PRIM2: variants seen among roughly 807,000 people sequenced by gnomAD.
PRIM2 encodes the protein DNA primase subunit 2, also known as DNA primase large subunit.
Under a neutral mutation model 67.3 loss-of-function variants are expected in PRIM2, and 39 were observed. The observed-to-expected ratio is 0.58, with a 90% confidence interval of 0.45 to 0.76. The LOEUF (loss-of-function observed/expected upper bound fraction) is 0.76, where lower values mean the gene tolerates loss of function less well. Among genes scored for constraint, PRIM2 ranks in the 30% least tolerant of loss-of-function variants. PRIM2 has a pLI of 0.00. For missense variants in PRIM2, 398 were observed against 598.7 expected, an observed-to-expected ratio of 0.66 and a Z score of 3.50; for synonymous variants, 143 against 198.7, an observed-to-expected ratio of 0.72 and a Z score of 2.36.
At chr6:57,424,647 A>G (rs1229093728) in intron 7 of PRIM2, among the ~76,000 whole-genome samples, 9 of 152,192 alleles carry the variant, frequency 5.9e-5, no homozygotes, top group African/African-American at 2.2e-4. Flanking sequence ...TAAAAACACA[A>G]TACTGGTCTG....
rs1214888381 is a variant in PRIM2, at chr6:57,572,170, A to G, written c.1021-28923A>G. On this transcript the variant is annotated intron_variant, in intron 10 of 13. Coordinates refer to ENST00000615550, the MANE Select transcript of PRIM2 (RefSeq NM_000947.5). ...AGTCTATTTCTTTAAGGGAAGAAAA[A>G]GTTTAATTAATGAACAAGATGCTGT... Among the ~76,000 whole-genome samples the G allele has an allele frequency of 2.0e-5, 3 of 152,138 alleles. No homozygotes were observed. The East Asian group carries it at 5.8e-4, about 29-fold the overall frequency.
chr6:57,222,931 G>A, the PRIM2 span, among the ~76,000 whole-genome samples: 1 of 152,188 alleles, frequency 6.6e-6, no homozygotes, highest in South Asian at 2.1e-4. Context: ...TGGCCCCGCA[G>A]TTCCACGCCT....
At chr6:57,433,578 A>T (rs1198780496) in intron 7 of PRIM2, among the ~76,000 whole-genome samples, 1 of 152,190 alleles carries the variant, frequency 6.6e-6, no homozygotes, top group Non-Finnish European at 1.5e-5. Flanking sequence ...AGTATGAAGC[A>T]GAAGTTACTA....
intron 12 of PRIM2, 91 bp from the exon 13 acceptor site, chr6:57,632,042 A>G: frequency 1.1e-6 from 1 of 946,084 alleles, no homozygotes; most frequent in Non-Finnish European, 1.5e-6. Context: ...TGGAATGAAG[A>G]TTATGAAAAG....
At chr6:57,559,147 A>C (rs1224332662) in intron 10 of PRIM2, among the ~76,000 whole-genome samples, 1 of 152,080 alleles carries the variant, frequency 6.6e-6, no homozygotes, top group Non-Finnish European at 1.5e-5. Flanking sequence ...AAAAAAAAAA[A>C]AAAGTTTTGG....
intron 8 of PRIM2, among the ~76,000 whole-genome samples, chr6:57,523,111 TTAAGAA>T (rs1774660343): frequency 6.6e-6 from 1 of 152,182 alleles, no homozygotes; most frequent in African/African-American, 2.4e-5. Context: ...TCCAAAATGT[TTAAGAA>T]TAATAAATTT....
chr6:57,352,920 G>A (rs1581819728), intron 5 of PRIM2, among the ~76,000 whole-genome samples: 2 of 151,952 alleles, frequency 1.3e-5, no homozygotes. Flanking sequence ...AATGGTTAGA[G>A]GGATTTGTTA....
At chr6:57,419,512 T>C (rs1771392638) in intron 7 of PRIM2, among the ~76,000 whole-genome samples, 1 of 152,290 alleles carries the variant, frequency 6.6e-6, no homozygotes, top group Middle Eastern at 3.4e-3. Flanking sequence ...TTACTGGTCT[T>C]AGGAACAAGG....
chr6:57,374,294 TA>T (rs1769670680), intron 5 of PRIM2, among the ~76,000 whole-genome samples: 2 of 146,744 alleles, frequency 1.4e-5, no homozygotes, highest in African/African-American at 5.2e-5. Context: ...TTTATTTATT[TA>T]TTTATTTATT....
intron 10 of PRIM2, among the ~76,000 whole-genome samples, chr6:57,588,524 G>C (rs1283379800): frequency 1.3e-5 from 2 of 151,542 alleles, no homozygotes; most frequent in African/African-American, 4.9e-5. Context: ...TGAGGAGGGG[G>C]ACTTGGGTTT....
intron 10 of PRIM2, among the ~76,000 whole-genome samples, chr6:57,549,402 C>G (rs1775356568): frequency 6.6e-6 from 1 of 152,012 alleles, no homozygotes; most frequent in African/African-American, 2.4e-5. Flanking sequence ...CCTGAACTTC[C>G]CCCAGTACTC....
intron 12 of PRIM2, among the ~76,000 whole-genome samples, chr6:57,617,378 T>G (rs2127496037): frequency 6.6e-6 from 1 of 152,310 alleles, no homozygotes; most frequent in East Asian, 1.9e-4. Flanking sequence ...TAAGATCACA[T>G]TTTTAGGTAG....
intron 7 of PRIM2, among the ~76,000 whole-genome samples, chr6:57,481,255 T>G: frequency 6.6e-6 from 1 of 152,144 alleles, no homozygotes; most frequent in Non-Finnish European, 1.5e-5. Context: ...TACCCTGTTA[T>G]AGTCATAGCA....
Position 57,555,174 on chromosome 6 carries a change from C to T in PRIM2, c.1020+17549C>T, listed in dbSNP as rs1419271236. ...GAGAAGATGGCTGATTTAAAGTAAACTTGCTATCCTTTGGCATGGTTGAGC... is the reference window on the plus strand; with the variant it reads ...GAGAAGATGGCTGATTTAAAGTAAATTTGCTATCCTTTGGCATGGTTGAGC... On this transcript the variant is annotated intron_variant, in intron 10 of 13. Coordinates refer to ENST00000615550, the MANE Select transcript of PRIM2 (RefSeq NM_000947.5). Among the ~76,000 whole-genome samples the T allele has an allele frequency of 9.8e-3, 1,493 of 152,278 alleles. 27 individuals carry two copies. The highest frequency in any genetic ancestry group is 0.033 in the African/African-American group (1,357 of 41,538).
chr6:57,552,171 T>C (rs1775418451), intron 10 of PRIM2, among the ~76,000 whole-genome samples: 1 of 152,156 alleles, frequency 6.6e-6, no homozygotes, highest in South Asian at 2.1e-4. Flanking sequence ...CCAACTCCCA[T>C]TGGTGAGGCT....
intron 5 of PRIM2, among the ~76,000 whole-genome samples, chr6:57,346,930 T>TC (rs1768695454): frequency 6.6e-6 from 1 of 152,156 alleles, no homozygotes; most frequent in Non-Finnish European, 1.5e-5. Flanking sequence ...ATTCTGCTAC[T>TC]CCCCACCCCT....
At chr6:57,410,357 AG>A (rs1771048506) in intron 7 of PRIM2, among the ~76,000 whole-genome samples, 1 of 150,886 alleles carries the variant, frequency 6.6e-6, no homozygotes, top group African/African-American at 2.4e-5. Context: ...AAAGAAAGAA[AG>A]AAAGAAAAGA....
At chr6:57,541,536 G>A (rs1775153078) in intron 10 of PRIM2, among the ~76,000 whole-genome samples, 3 of 152,118 alleles carry the variant, frequency 2.0e-5, no homozygotes, top group Admixed American at 6.5e-5. Flanking sequence ...TCAACAGTAG[G>A]GTTTTAGTTG....
At chr6:57,441,172 C>G (rs1772193053) in intron 7 of PRIM2, among the ~76,000 whole-genome samples, 1 of 152,184 alleles carries the variant, frequency 6.6e-6, no homozygotes, top group Non-Finnish European at 1.5e-5. Flanking sequence ...TCTGTGCATT[C>G]TTTCATTGTC....
Sources: gnomAD v4.1 joint callset for allele counts (sites outside exome capture counted in the v4.1 genomes callset) on GRCh38, gnomAD v4.1.1 for gene constraint, MANE v1.5 for transcripts, NCBI Gene and HGNC (gene_info 2026-07-23, HGNC 2026-07-21) for gene names.